The following RBMS3 variants were observed in gnomAD, a reference collection of about 807,000 sequenced individuals.
RBMS3 encodes RNA-binding motif, single-stranded-interacting protein 3.
A neutral mutation model predicts 66.8 loss-of-function variants in RBMS3; 27 were observed. The ratio of observed to expected loss-of-function variants is 0.40; its 90% CI spans 0.30 to 0.56. RBMS3 has a LOEUF of 0.56. Among genes scored for constraint, RBMS3 ranks in the 20% least tolerant of loss-of-function variants. The pLI, the probability that RBMS3 is intolerant of heterozygous loss-of-function variation, is 0.40. For missense variants in RBMS3, 513 were observed against 549.5 expected, an observed-to-expected ratio of 0.93 and a Z score of 0.66; for synonymous variants, 188 against 183.0, an observed-to-expected ratio of 1.03 and a Z score of -0.22.
chr3:29,703,907 C>T (rs748337827), intron 4 of RBMS3, among the ~76,000 whole-genome samples: 1 of 152,150 alleles, frequency 6.6e-6, no homozygotes, highest in Non-Finnish European at 1.5e-5. Context: ...CACATTATCG[C>T]CTGCACTCCC....
rs549732596 is a variant in RBMS3 at position 29,449,583 on chromosome 3, T to C, written c.248+14668T>C. On this transcript the variant is annotated intron_variant, in intron 2 of 14. Transcript: ENST00000383767. ...AAAATAACAAAATAAGAAGAGGAGG[T>C]CAGCATAGTGTTACCACTTTTTAAT... is the stretch of plus-strand genomic sequence containing the variant. Among the ~76,000 whole-genome samples, 3 of 152,228 alleles carry C rather than the reference T, an allele frequency of 2.0e-5. No homozygotes were observed. In the South Asian group the frequency reaches 6.2e-4, roughly 32 times the overall value.
chr3:29,350,749 GT>G (rs1307341358), intron 1 of RBMS3, among the ~76,000 whole-genome samples: 2 of 151,920 alleles, frequency 1.3e-5, no homozygotes, highest in African/African-American at 2.4e-5. Context: ...TAAATAATGT[GT>G]TTTTCTTTTA....
At chr3:29,457,789 C>T (rs1437140825) in intron 2 of RBMS3, among the ~76,000 whole-genome samples, 2 of 151,570 alleles carry the variant, frequency 1.3e-5, no homozygotes, top group East Asian at 3.9e-4. Context: ...TCCCCATTTC[C>T]TTCTCCAACC....
chr3:29,351,326 A>T (rs2036900508), intron 1 of RBMS3, among the ~76,000 whole-genome samples: 1 of 152,156 alleles, frequency 6.6e-6, no homozygotes, highest in Non-Finnish European at 1.5e-5. Flanking sequence ...CTGTTATTGT[A>T]ATAGAAATTG....
intron 1 of RBMS3, among the ~76,000 whole-genome samples, chr3:29,309,839 G>A (rs950785076): frequency 6.6e-6 from 1 of 151,640 alleles, no homozygotes; most frequent in East Asian, 1.9e-4. Flanking sequence ...CTGGAGGGCA[G>A]GTGAAGAAGG....
chr3:29,706,531 C>A lies in RBMS3; in HGVS notation c.400-33189C>A, dbSNP rs2052901779. The stretch of plus-strand genomic sequence containing the variant: ...GTCTACCAAAGACATCTCCAAGGAT[C>A]CCTTTCAGTGAAGCTTAGACTCAGG... On this transcript the variant is annotated intron_variant, in intron 4 of 14. Transcript: ENST00000383767. Among the ~76,000 whole-genome samples the A allele has an allele frequency of 2.0e-5, 3 of 152,120 alleles. No individual in the cohort carries two copies. In the South Asian group the frequency reaches 6.2e-4, roughly 32 times the overall value.
chr3:29,962,890 T>C (rs530024155), intron 12 of RBMS3, among the ~76,000 whole-genome samples: 1 of 152,216 alleles, frequency 6.6e-6, no homozygotes, highest in Non-Finnish European at 1.5e-5. Context: ...TTTTCTTCTA[T>C]TTTTCTCTCA....
At chr3:29,831,611 C>A (rs575500299) in intron 6 of RBMS3, among the ~76,000 whole-genome samples, 2 of 152,010 alleles carry the variant, frequency 1.3e-5, no homozygotes, top group African/African-American at 4.8e-5. Context: ...TTATAAATCA[C>A]TCGATACTTG....
chr3:29,298,535 T>G (rs1047780068), intron 1 of RBMS3, among the ~76,000 whole-genome samples: 7 of 151,930 alleles, frequency 4.6e-5, no homozygotes, highest in Non-Finnish European at 1.0e-4. Flanking sequence ...TCACTTTCAA[T>G]TATAAAGATA....
At chr3:29,956,267 C>A (rs1387424621) in intron 12 of RBMS3, among the ~76,000 whole-genome samples, 1 of 152,058 alleles carries the variant, frequency 6.6e-6, no homozygotes, top group African/African-American at 2.4e-5. Context: ...TTCTTCCCTG[C>A]CACACCTGCC....
chr3:29,738,610 A>G (rs2054484589), intron 4 of RBMS3, among the ~76,000 whole-genome samples: 1 of 152,234 alleles, frequency 6.6e-6, no homozygotes, highest in Non-Finnish European at 1.5e-5. Context: ...TTATTTGTAT[A>G]TAAATATTTA....
intron 10 of RBMS3, among the ~76,000 whole-genome samples, chr3:29,918,134 T>G (rs2060685071): frequency 6.6e-6 from 1 of 152,134 alleles, no homozygotes; most frequent in South Asian, 2.1e-4. Flanking sequence ...CCAACTCTAT[T>G]TCATTATATC....
At chr3:29,531,167 G>T (rs2045339195) in intron 3 of RBMS3, among the ~76,000 whole-genome samples, 1 of 152,180 alleles carries the variant, frequency 6.6e-6, no homozygotes, top group African/African-American at 2.4e-5. Context: ...GGAGAATGGT[G>T]GTCAATTCCC....
chr3:29,479,645 T>G (rs1421074970), intron 2 of RBMS3, among the ~76,000 whole-genome samples: 1 of 152,218 alleles, frequency 6.6e-6, no homozygotes, highest in East Asian at 1.9e-4. Context: ...AATTTAGTTT[T>G]GAAGGACCTG....
At chr3:29,816,966 C>T (rs1487603389) in intron 6 of RBMS3, among the ~76,000 whole-genome samples, 1 of 151,952 alleles carries the variant, frequency 6.6e-6, no homozygotes, top group Non-Finnish European at 1.5e-5. Flanking sequence ...TGGTGCACAC[C>T]CGTAATCCCA....
intron 2 of RBMS3, among the ~76,000 whole-genome samples, chr3:29,486,729 A>AAATGACTATTAC (rs2043335260): frequency 6.6e-6 from 1 of 152,144 alleles, no homozygotes; most frequent in South Asian, 2.1e-4. Flanking sequence ...ACTATTGTTA[A>AAATGACTATTAC]CAGTCCAGTT....
At chr3:29,896,609 A>T (rs1403646408) in intron 8 of RBMS3, among the ~76,000 whole-genome samples, 2 of 151,454 alleles carry the variant, frequency 1.3e-5, no homozygotes, top group Admixed American at 1.3e-4. Context: ...TAACTCATCG[A>T]CTCTACAGTA....
chr3:29,779,725 A>ATATATATATATATAT (rs1301512844), intron 6 of RBMS3, among the ~76,000 whole-genome samples: 16 of 144,820 alleles, frequency 1.1e-4, no homozygotes, highest in Admixed American at 1.4e-4. Context: ...ATATATATAT[A>ATATATATATATATAT]AACAACCCCA....
At chr3:29,501,528 T>G (rs3773038) in intron 3 of RBMS3, among the ~76,000 whole-genome samples, 2,519 of 152,276 alleles carry the variant, frequency 0.017, 40 homozygotes, top group Middle Eastern at 0.041. Flanking sequence ...CGAGGTTAAT[T>G]TATCCGTTTT....
Sources: gnomAD v4.1 joint callset for allele counts (sites outside exome capture counted in the v4.1 genomes callset) on GRCh38, gnomAD v4.1.1 for gene constraint, MANE v1.5 for transcripts, NCBI Gene and HGNC (gene_info 2026-07-23, HGNC 2026-07-21) for gene names.